FOLR3: variants seen among roughly 807,000 people sequenced by gnomAD.
FOLR3 encodes the protein folate receptor 3 (gamma).
FOLR3 carries 9 observed loss-of-function variants against 20.0 expected under a neutral mutation model. The ratio of observed to expected loss-of-function variants is 0.45; its 90% confidence interval spans 0.27 to 0.79. The LOEUF is 0.79. Among genes scored for constraint, FOLR3 ranks in the 30% least tolerant of loss-of-function variants. The pLI, the probability that FOLR3 is intolerant of heterozygous loss-of-function variation, is 0.15. For missense variants in FOLR3, 309 were observed against 323.5 expected, an observed-to-expected ratio of 0.96 and a Z score of 0.34; for synonymous variants, 124 against 115.5, an observed-to-expected ratio of 1.07 and a Z score of -0.47.
Position 72,136,120 on chromosome 11 carries a change from G to C in FOLR3, c.168G>C (p.Gln56His), listed in dbSNP as rs1223180148. 1 of 1,613,922 alleles carries C rather than the reference G, an allele frequency of 6.2e-7. No individual in the cohort carries two copies. The highest frequency in any genetic ancestry group is 8.5e-7 in the Non-Finnish European group (1 of 1,179,920). The change falls in exon 2 of 5, where the codon CAG becomes CAC. Residue 56 changes from glutamine (Q) to histidine (H), a missense_variant and splice_region_variant. Coordinates refer to ENST00000611028, the MANE Select transcript of FOLR3 (RefSeq NM_000804.4). The stretch of plus-strand genomic sequence containing the variant: ...GCCCCGAGGACGAGCTGTATGGCCA[G>C]GTGAGGGCAGCCTGGTGTAGGACAG... ...QPSPEDELYG[Q>H]CSPWKKNACC...
At chr11:72,137,350 C>T (rs1016906807) in intron 2 of FOLR3, among the ~76,000 whole-genome samples, 1 of 152,012 alleles carries the variant, frequency 6.6e-6, no homozygotes, top group Non-Finnish European at 1.5e-5. Context: ...ATAGCTCCTT[C>T]GTTCTCCACC....
At position 72,139,876 on chromosome 11, in the gene FOLR3, A is replaced by G; in HGVS notation, c.*45A>G. The stretch of plus-strand genomic sequence containing the variant: ...GGTTCTTCCAACAACCTATTCTAAT[A>G]GACAAATCCACATGTGTCTTGTGTC... On this transcript the variant is annotated 3_prime_UTR_variant, in exon 5 of 5. Coordinates refer to ENST00000611028, the MANE Select transcript of FOLR3 (RefSeq NM_000804.4). 6.2e-7 allele frequency: 1 copy of G among 1,601,688 alleles called. No homozygotes were observed. The highest frequency in any genetic ancestry group is 8.5e-7 in the Non-Finnish European group (1 of 1,171,648).
At position 72,136,058 on chromosome 11, in the gene FOLR3, G is replaced by A; in HGVS notation, c.106G>A (p.Val36Ile). 2 of 1,614,092 alleles carry A rather than the reference G, an allele frequency of 1.2e-6. No homozygotes were observed. Among genetic ancestry groups the A allele is most frequent in the Non-Finnish European group, 1.7e-6 (2 of 1,179,944 alleles). The change falls in exon 2 of 5, where the codon GTC (valine) becomes ATC (isoleucine). Residue 36 changes from valine to isoleucine, a missense_variant. Transcript: ENST00000611028. ...SARARTDLLNVCMNAKHHKTQ... is the reference protein window; with the variant it reads ...SARARTDLLNICMNAKHHKTQ... ...GCGGGCCAGGACGGACCTGCTCAAT[G>A]TCTGCATGAACGCCAAGCACCACAA... is the stretch of plus-strand genomic sequence containing the variant.
At position 72,138,989 on chromosome 11, in the gene FOLR3, G is replaced by A; in HGVS notation, c.197G>A (p.Cys66Tyr). ...AGTCCCTGGAAGAAGAATGCCTGCT[G>A]CACGGCCAGCACCAGCCAGGAGCTG... is the stretch of plus-strand genomic sequence containing the variant. ...QCSPWKKNAC[C>Y]TASTSQELHK... Residue 66 changes from cysteine to tyrosine, a missense_variant, in exon 3 of 5, where the codon TGC becomes TAC. By Grantham distance (194) the Cys-to-Tyr change is radical. Coordinates refer to ENST00000611028, the MANE Select transcript of FOLR3 (RefSeq NM_000804.4). 3 of 1,613,964 alleles carry A rather than the reference G, an allele frequency of 1.9e-6. No homozygotes were observed. The East Asian group carries it at 6.7e-5, about 36-fold the overall frequency.
At position 72,138,993 on chromosome 11, in the gene FOLR3, G is replaced by A. The variant is rs373601622; in HGVS notation, c.201G>A (p.Thr67=). 1.5e-4 allele frequency: 242 copies of A among 1,613,956 alleles called. 1 individual carries two copies. In the East Asian group the frequency reaches 1.9e-3, roughly 13 times the overall value. ...CSPWKKNACC[T]ASTSQELHKD... is the part of the protein sequence containing the mutation. Reference sequence around the variant, plus strand: ...CCTGGAAGAAGAATGCCTGCTGCACGGCCAGCACCAGCCAGGAGCTGCACA... The same window carrying A: ...CCTGGAAGAAGAATGCCTGCTGCACAGCCAGCACCAGCCAGGAGCTGCACA... The change falls in exon 3 of 5, where the codon ACG becomes ACA. Residue 67 remains threonine, a synonymous_variant. Coordinates refer to ENST00000611028, the MANE Select transcript of FOLR3 (RefSeq NM_000804.4).
intron 2 of FOLR3, among the ~76,000 whole-genome samples, chr11:72,136,994 G>C (rs1947749767): frequency 6.6e-6 from 1 of 152,228 alleles, no homozygotes; most frequent in Non-Finnish European, 1.5e-5. Context: ...CAAGTGTGAA[G>C]TCGGGCTGGC....
intron 3 of FOLR3, 21 bp downstream of exon 3, chr11:72,139,170 A>G: frequency 2.5e-6 from 4 of 1,603,992 alleles, no homozygotes; most frequent in Non-Finnish European, 2.6e-6. Context: ...TGTTCCCACA[A>G]ACATTAACCT....
rs375678047 is a variant in FOLR3 at position 72,136,045 on chromosome 11, G to A, written c.93G>A (p.Thr31=). The A allele has an allele frequency of 6.1e-5, 99 of 1,613,868 alleles. No homozygotes were observed. The highest frequency in any genetic ancestry group is 2.9e-4 in the East Asian group (13 of 44,904). Residue 31 remains threonine, a synonymous_variant, in exon 2 of 5, where the codon ACG becomes ACA. Coordinates refer to ENST00000611028, the MANE Select transcript of FOLR3 (RefSeq NM_000804.4). ...AGCCCAGGAGTGCGCGGGCCAGGAC[G>A]GACCTGCTCAATGTCTGCATGAACG... ...SAQPRSARAR[T]DLLNVCMNAK...
chr11:72,136,215 G>A (rs964312153), intron 2 of FOLR3, 95 bp downstream of exon 2: 25 of 1,462,664 alleles, frequency 1.7e-5, no homozygotes, highest in African/African-American at 9.7e-5. Context: ...CAAGGGTGCC[G>A]CTGCTGACAA....
chr11:72,139,738 C>T lies in FOLR3; in HGVS notation c.645C>T (p.Asp215=), dbSNP rs747481716. The T allele has an allele frequency of 8.7e-6, 14 of 1,614,002 alleles. No homozygotes were observed. The East Asian group carries it at 3.1e-4, about 36-fold the overall frequency. Residue 215 remains aspartate, a synonymous_variant, in exon 5 of 5, where the codon GAC becomes GAT. Transcript: ENST00000611028. The stretch of plus-strand genomic sequence containing the variant: ...GCCGCTGCATCCAGATGTGGTTTGA[C>T]TCAGCCCAGGGCAACCCCAATGAGG... The part of the protein sequence containing the change: ...GSGRCIQMWF[D]SAQGNPNEEV...
chr11:72,137,202 T>C (rs1288139315), intron 2 of FOLR3, among the ~76,000 whole-genome samples: 2 of 152,174 alleles, frequency 1.3e-5, no homozygotes, highest in African/African-American at 2.4e-5. Context: ...TTTCTCAGGT[T>C]TTCTGAGTCC....
rs1947778078 is a variant in FOLR3, at chr11:72,138,959, A to G, written c.169-2A>G. On this transcript the variant is annotated splice_acceptor_variant, in intron 2 of 4. Transcript: ENST00000611028. LOFTEE classifies it high-confidence loss of function. ...ACTTAGTCCTGTGTCTTCCCCACCC[A>G]GTGCAGTCCCTGGAAGAAGAATGCC... is the stretch of plus-strand genomic sequence containing the variant. The G allele has an allele frequency of 6.2e-7, 1 of 1,613,790 alleles. No homozygotes were observed. The highest frequency in any genetic ancestry group is 1.3e-5 in the African/African-American group (1 of 74,892).
intron 2 of FOLR3, among the ~76,000 whole-genome samples, chr11:72,136,487 C>T (rs1283705163): frequency 1.1e-4 from 16 of 151,664 alleles, no homozygotes; most frequent in Admixed American, 1.0e-3. Context: ...GAGTCACTCC[C>T]AACATTCCAT....
At chr11:72,138,837 G>A in intron 2 of FOLR3, 124 bp from the exon 3 acceptor site, 2 of 1,123,968 alleles carry the variant, frequency 1.8e-6, no homozygotes, top group South Asian at 2.7e-5. Flanking sequence ...CCCCAGGTGG[G>A]AGCTCCTCAA....
At position 72,139,879 on chromosome 11, in the gene FOLR3, C is replaced by T; in HGVS notation, c.*48C>T. 6.3e-7 allele frequency: 1 copy of T among 1,599,434 alleles called. No individual in the cohort carries two copies. The highest frequency in any genetic ancestry group is 1.1e-5 in the South Asian group (1 of 90,146). ...TCTTCCAACAACCTATTCTAATAGA[C>T]AAATCCACATGTGTCTTGTGTCTTG... On this transcript the variant is annotated 3_prime_UTR_variant, in exon 5 of 5. Coordinates refer to ENST00000611028, the MANE Select transcript of FOLR3 (RefSeq NM_000804.4).
chr11:72,135,938 C>G lies in FOLR3; in HGVS notation c.-6-9C>G, dbSNP rs774463733. 14 of 1,608,136 alleles carry G rather than the reference C, an allele frequency of 8.7e-6. No homozygotes were observed. The highest frequency in any genetic ancestry group is 3.3e-4 in the Middle Eastern group (2 of 6,048). The stretch of plus-strand genomic sequence containing the variant: ...GCCTTGTCTACCTCTGACTGTGGCT[C>G]TCTGGCAGGAATAGATGGACATGGC... On this transcript the variant is annotated splice_polypyrimidine_tract_variant and intron_variant, in intron 1 of 4. Coordinates refer to ENST00000611028, the MANE Select transcript of FOLR3 (RefSeq NM_000804.4).
chr11:72,137,481 C>G (rs1053965431), intron 2 of FOLR3, among the ~76,000 whole-genome samples: 3 of 150,254 alleles, frequency 2.0e-5, no homozygotes, highest in Non-Finnish European at 2.9e-5. Context: ...TCCCTGTCCT[C>G]AGTTATAATT....
intron 2 of FOLR3, among the ~76,000 whole-genome samples, chr11:72,137,340 A>G (rs549968748): frequency 6.6e-5 from 10 of 151,938 alleles, no homozygotes; most frequent in Non-Finnish European, 1.0e-4. Context: ...CGTGCAGGCT[A>G]TAGCTCCTTC....
rs529179651 is a variant in FOLR3 at position 72,139,235 on chromosome 11, C to T, written c.357+86C>T. 3.0e-4 allele frequency: 462 copies of T among 1,557,686 alleles called. No individual in the cohort carries two copies. In the African/African-American group the frequency reaches 3.6e-3, roughly 12 times the overall value. On this transcript the variant is annotated intron_variant, in intron 3 of 4. Coordinates refer to ENST00000611028, the MANE Select transcript of FOLR3 (RefSeq NM_000804.4). ...GCAGGGAGGGCTTGGTCCAGGAATT[C>T]GGGTCTGAGGGTGGTGGACGCCCTG...
Sources: allele counts gnomAD v4.1 joint callset (sites outside exome capture counted in the v4.1 genomes callset), GRCh38; gene constraint gnomAD v4.1.1; transcripts MANE v1.5; gene names NCBI Gene and HGNC (gene_info 2026-07-23, HGNC 2026-07-21).